Variants in MINAR1 observed in about 807,000 individuals in gnomAD.
MINAR1 encodes the protein membrane integral NOTCH2 associated receptor 1.
A neutral mutation model predicts 65.1 loss-of-function variants in MINAR1; 40 were observed. That is an observed-to-expected ratio of 0.61 (90% CI 0.48 to 0.80). The LOEUF (loss-of-function observed/expected upper bound fraction) is 0.80, where lower values mean the gene tolerates loss of function less well. Ranked by LOEUF, MINAR1 falls within the 30% of genes least tolerant of loss-of-function variation. The pLI is 0.00. For synonymous variants in MINAR1, 482 were observed against 449.1 expected, an observed-to-expected ratio of 1.07 and a Z score of -0.93; for missense variants, 1,128 against 1,148.0, an observed-to-expected ratio of 0.98 and a Z score of 0.25.
chr15:79,469,118 T>C lies in MINAR1; in HGVS notation c.*734T>C, dbSNP rs1463962352. The C allele has an allele frequency of 6.5e-6, 1 of 152,732 alleles. No homozygotes were observed. Among genetic ancestry groups the C allele is most frequent in the African/African-American group, 2.4e-5 (1 of 41,454 alleles). 9.5% of individuals were successfully genotyped at this position (152,732 alleles called of 1,614,324 possible). On this transcript the variant is annotated 3_prime_UTR_variant, in exon 4 of 4. Coordinates refer to ENST00000305428, the MANE Select transcript of MINAR1 (RefSeq NM_015206.3). ...GAGACCTCGTCCTCAATCCAAAGTGTAGGGGAGCTGCCTGCTAACGATGTA... is the reference window on the plus strand; with the variant it reads ...GAGACCTCGTCCTCAATCCAAAGTGCAGGGGAGCTGCCTGCTAACGATGTA...
chr15:79,472,205 T>TTG lies in MINAR1; in HGVS notation c.*3825_*3826dup. The TTG allele has an allele frequency of 6.6e-6, 1 of 152,648 alleles. No individual in the cohort carries two copies. The highest frequency in any genetic ancestry group is 1.9e-4 in the East Asian group (1 of 5,196). 9.5% of individuals were successfully genotyped at this position (152,648 alleles called of 1,614,324 possible). ...ATTTTTAGATCTTTTTTCAAATGGC[T>TTG]TGTGTAAAATTTGGTTAATGTACAA... On this transcript the variant is annotated 3_prime_UTR_variant, in exon 4 of 4. Transcript: ENST00000305428.
intron 3 of MINAR1, 25 bp downstream of exon 3, chr15:79,463,346 G>C (rs758551633): frequency 3.2e-6 from 5 of 1,572,304 alleles, no homozygotes; most frequent in Admixed American, 1.7e-5. Flanking sequence ...GTCCCTGGGT[G>C]GGGGAAGCCC....
chr15:79,465,651 T>G (rs1410099011), intron 3 of MINAR1, among the ~76,000 whole-genome samples: 1 of 152,132 alleles, frequency 6.6e-6, no homozygotes, highest in African/African-American at 2.4e-5. Context: ...AAATCTGATG[T>G]GTCATTTAGA....
At chr15:79,451,710 G>A (rs1032859535) in intron 1 of MINAR1, among the ~76,000 whole-genome samples, 8 of 152,246 alleles carry the variant, frequency 5.3e-5, no homozygotes, top group Non-Finnish European at 1.5e-5. Context: ...AGCCAGGTGG[G>A]ATGGAAGTCC....
intron 1 of MINAR1, among the ~76,000 whole-genome samples, chr15:79,444,424 C>G (rs1211863622): frequency 6.6e-6 from 1 of 151,556 alleles, no homozygotes; most frequent in Admixed American, 6.6e-5. Context: ...TATTTGTTTT[C>G]TACTTCACTA....
At chr15:79,454,699 C>T (rs761279248) in intron 1 of MINAR1, among the ~76,000 whole-genome samples, 69 of 151,952 alleles carry the variant, frequency 4.5e-4, no homozygotes, top group Non-Finnish European at 1.2e-4. Context: ...TACAAAATAA[C>T]AAATGCTCAT....
At chr15:79,419,618 C>T in the MINAR1 span, 1 of 152,132 alleles carries the variant, frequency 6.6e-6, no homozygotes, top group Non-Finnish European at 1.5e-5. Flanking sequence ...CCAGACAGCA[C>T]ATAGTTAGGA....
chr15:79,415,849 T>G, the MINAR1 span: 1 of 152,202 alleles, frequency 6.6e-6, no homozygotes, highest in Non-Finnish European at 1.5e-5. Flanking sequence ...TGGAGATAGC[T>G]CAGGGGTTTA....
At position 79,457,180 on chromosome 15, in the gene MINAR1, G is replaced by T. The variant is rs763508779; in HGVS notation, c.1033G>T (p.Val345Leu). The change falls in exon 2 of 4, where the codon GTG becomes TTG. Residue 345 changes from valine to leucine, a missense_variant. By Grantham distance (32) the Val-to-Leu change is conservative (BLOSUM62 1). Transcript: ENST00000305428. ...QASTYFGPTP[V>L]MGTQEARRCL... is the part of the protein sequence containing the mutation. ...CTCTACATATTTTGGGCCCACTCCC[G>T]TGATGGGAACCCAAGAAGCCAGGCG... 6 of 1,614,010 alleles carry T rather than the reference G, an allele frequency of 3.7e-6. No individual in the cohort carries two copies. The African/African-American group carries it at 8.0e-5, about 22-fold the overall frequency.
chr15:79,464,966 G>A (rs1047389412), intron 3 of MINAR1, among the ~76,000 whole-genome samples: 1 of 152,228 alleles, frequency 6.6e-6, no homozygotes, highest in Non-Finnish European at 1.5e-5. Context: ...AATTAAGTGA[G>A]CCATAGGCTG....
intron 2 of MINAR1, among the ~76,000 whole-genome samples, chr15:79,460,301 T>G (rs1312077042): frequency 6.6e-6 from 1 of 152,124 alleles, no homozygotes; most frequent in African/African-American, 2.4e-5. Context: ...AAGGCCAGTT[T>G]CCCCTAAATG....
intron 3 of MINAR1, 152 bp from the exon 4 acceptor site, chr15:79,468,035 A>G: frequency 1.6e-6 from 1 of 625,388 alleles, no homozygotes. Context: ...AGCCTGCCTC[A>G]GGCATGGGGC....
intron 1 of MINAR1, among the ~76,000 whole-genome samples, chr15:79,434,214 A>G (rs1183541444): frequency 6.6e-6 from 1 of 152,266 alleles, no homozygotes; most frequent in Admixed American, 6.5e-5. Context: ...ATAGCACTTA[A>G]CATTTGGAAG....
the MINAR1 span, chr15:79,416,396 T>C: frequency 1.4e-4 from 22 of 152,350 alleles, no homozygotes; most frequent in African/African-American, 5.1e-4. Context: ...GCCAAAAATA[T>C]TGGCCAGCCA....
intron 1 of MINAR1, among the ~76,000 whole-genome samples, chr15:79,452,709 TGTGTGG>T (rs386785689): frequency 5.4e-5 from 3 of 56,014 alleles, no homozygotes; most frequent in African/African-American, 1.9e-4. Flanking sequence ...TCTGGATGAG[TGTGTGG>T]GTGTGGGTGA....
At chr15:79,441,490 C>T (rs1894868163) in intron 1 of MINAR1, among the ~76,000 whole-genome samples, 1 of 151,690 alleles carries the variant, frequency 6.6e-6, no homozygotes, top group Admixed American at 6.5e-5. Flanking sequence ...AAGATTATTG[C>T]TAATTTTTTC....
upstream of MINAR1, among the ~76,000 whole-genome samples, chr15:79,428,558 C>G (rs923380078): frequency 6.7e-6 from 1 of 150,034 alleles, no homozygotes; most frequent in African/African-American, 2.5e-5. Context: ...TTCTTTCAGC[C>G]TGCCATTTTC....
chr15:79,465,126 A>G (rs1470016627), intron 3 of MINAR1, among the ~76,000 whole-genome samples: 1 of 152,250 alleles, frequency 6.6e-6, no homozygotes, highest in Admixed American at 6.5e-5. Context: ...TTTAGGTGAC[A>G]TTACTTAAAA....
At chr15:79,440,706 G>A (rs1384266085) in intron 1 of MINAR1, among the ~76,000 whole-genome samples, 1 of 152,010 alleles carries the variant, frequency 6.6e-6, no homozygotes, top group Non-Finnish European at 1.5e-5. Context: ...TTGCTCCATT[G>A]CCTCCTTCAG....
Sources: gnomAD v4.1 joint callset for allele counts (sites outside exome capture counted in the v4.1 genomes callset) on GRCh38, gnomAD v4.1.1 for gene constraint, MANE v1.5 for transcripts, NCBI Gene and HGNC (gene_info 2026-07-23, HGNC 2026-07-21) for gene names.